KATNAL1: variants seen among roughly 807,000 people sequenced by gnomAD.
KATNAL1 encodes the protein katanin catalytic subunit A1 like 1, also known as katanin p60 ATPase-containing subunit A-like 1.
In KATNAL1, 32 loss-of-function variants were observed where a neutral mutation model predicts 55.2. The observed-to-expected ratio is 0.58, with a 90% CI of 0.44 to 0.78. The LOEUF is 0.78. KATNAL1 is among the 30% of genes least tolerant of loss of function. The pLI is 0.00. For synonymous variants in KATNAL1, 193 were observed against 193.6 expected (o/e 1.00, Z 0.02); for missense variants, 466 against 600.9 (o/e 0.78, Z 2.35).
intron 3 of KATNAL1, among the ~76,000 whole-genome samples, chr13:30,258,976 ATAT>A (rs1444640896): frequency 6.6e-6 from 1 of 152,228 alleles, no homozygotes; most frequent in African/African-American, 2.4e-5. Flanking sequence ...AATCTTTAAA[ATAT>A]TATTAATTCT....
chr13:30,303,885 T>A (rs1883017244), intron 1 of KATNAL1, among the ~76,000 whole-genome samples: 1 of 152,342 alleles, frequency 6.6e-6, no homozygotes, highest in South Asian at 2.1e-4. Context: ...TACTACCTGA[T>A]CCACCTGCTT....
At chr13:30,235,030 T>C (rs940553218) in intron 6 of KATNAL1, among the ~76,000 whole-genome samples, 1 of 152,144 alleles carries the variant, frequency 6.6e-6, no homozygotes, top group Non-Finnish European at 1.5e-5. Flanking sequence ...CTTTGAGCCA[T>C]GTGGTATCAA....
At position 30,283,789 on chromosome 13, in the gene KATNAL1, G is replaced by A. The variant is rs1168323619; in HGVS notation, c.-12C>T. On this transcript the variant is annotated splice_region_variant and 5_prime_UTR_variant, in exon 2 of 11. Transcript: ENST00000380615. ...TCAGCCAAATTCATCTTCTTTCAGAGACCTAAACATAAAATATAATGACTT... is the reference window on the plus strand; with the variant it reads ...TCAGCCAAATTCATCTTCTTTCAGAAACCTAAACATAAAATATAATGACTT... 1.1e-5 allele frequency: 18 copies of A among 1,594,220 alleles called. No homozygotes were observed. Among genetic ancestry groups the A allele is most frequent in the Non-Finnish European group, 1.7e-6 (2 of 1,168,946 alleles).
chr13:30,266,117 C>G (rs747975491), intron 3 of KATNAL1, among the ~76,000 whole-genome samples: 1 of 151,542 alleles, frequency 6.6e-6, no homozygotes, highest in African/African-American at 2.4e-5. Context: ...CAGGTTCAAG[C>G]GATTCTTCTG....
At chr13:30,277,815 C>G (rs1186202486) in intron 3 of KATNAL1, among the ~76,000 whole-genome samples, 2 of 151,082 alleles carry the variant, frequency 1.3e-5, no homozygotes, top group Non-Finnish European at 2.9e-5. Context: ...AACCCCGTCT[C>G]TACTAAAAAT....
chr13:30,281,122 CAA>C (rs1263107106), intron 2 of KATNAL1, among the ~76,000 whole-genome samples: 4 of 63,704 alleles, frequency 6.3e-5, no homozygotes, highest in Non-Finnish European at 5.6e-5. Context: ...GAATCCATGT[CAA>C]AAAAAAAAAA....
intron 1 of KATNAL1, among the ~76,000 whole-genome samples, chr13:30,284,344 C>T (rs761378340): frequency 2.0e-5 from 3 of 152,090 alleles, no homozygotes; most frequent in Non-Finnish European, 2.9e-5. Flanking sequence ...TACATAAAAC[C>T]GGACACTAGT....
intron 9 of KATNAL1, among the ~76,000 whole-genome samples, chr13:30,225,140 A>G (rs1335855411): frequency 6.6e-6 from 1 of 152,170 alleles, no homozygotes; most frequent in Non-Finnish European, 1.5e-5. Context: ...CCATTCATCA[A>G]GGTTAGGAGT....
chr13:30,249,999 C>A (rs1039779677), intron 4 of KATNAL1, among the ~76,000 whole-genome samples: 3 of 152,122 alleles, frequency 2.0e-5, no homozygotes, highest in Non-Finnish European at 4.4e-5. Flanking sequence ...CTCCTCACAT[C>A]CTAATTATTT....
At chr13:30,282,039 A>C (rs1881393691) in intron 2 of KATNAL1, among the ~76,000 whole-genome samples, 1 of 152,158 alleles carries the variant, frequency 6.6e-6, no homozygotes, top group Admixed American at 6.5e-5. Flanking sequence ...ATTTGTAAAA[A>C]AAAAAAAAAT....
intron 4 of KATNAL1, 49 bp downstream of exon 4, chr13:30,255,398 A>C (rs368159002): frequency 7.3e-7 from 1 of 1,372,120 alleles, no homozygotes; most frequent in African/African-American, 1.5e-5. Context: ...AACATCCACC[A>C]AAAGTCCTGG....
In KATNAL1 at chr13:30,208,432, C is replaced by T. The variant is rs1873351453; in HGVS notation, c.*108G>A. ...GTTTTAGATTTTTTTTTCCTTTAAG[C>T]GAAAACCACTCCACTGAAAAAAATT... On this transcript the variant is annotated 3_prime_UTR_variant, in exon 11 of 11. Coordinates refer to ENST00000380615, the MANE Select transcript of KATNAL1 (RefSeq NM_032116.5). 5 of 891,814 alleles carry T rather than the reference C, an allele frequency of 5.6e-6. No homozygotes were observed. The highest frequency in any genetic ancestry group is 1.7e-5 in the African/African-American group (1 of 59,028). The allele number at this position is 891,814 out of a possible 1,614,324, so 55.2% of individuals were successfully genotyped here. A position where few individuals can be genotyped will look rare whatever the true frequency, so the allele number is the denominator to read the frequency against.
intron 4 of KATNAL1, among the ~76,000 whole-genome samples, chr13:30,253,007 A>G (rs1878469535): frequency 6.6e-6 from 1 of 152,174 alleles, no homozygotes; most frequent in African/African-American, 2.4e-5. Flanking sequence ...TTGGCCTCCC[A>G]AAGTGCTGGG....
chr13:30,277,706 G>A (rs868036396), intron 3 of KATNAL1, among the ~76,000 whole-genome samples: 43 of 152,196 alleles, frequency 2.8e-4, no homozygotes, highest in African/African-American at 9.1e-4. Context: ...AATTCAGGCC[G>A]GGCACGGTGG....
intron 3 of KATNAL1, among the ~76,000 whole-genome samples, chr13:30,259,111 A>G (rs1879030896): frequency 6.6e-6 from 1 of 152,246 alleles, no homozygotes; most frequent in South Asian, 2.1e-4. Context: ...AGGCCGAGAC[A>G]GGCAGATCAC....
At chr13:30,219,375 T>G (rs1235091747) in intron 9 of KATNAL1, among the ~76,000 whole-genome samples, 1 of 152,206 alleles carries the variant, frequency 6.6e-6, no homozygotes, top group African/African-American at 2.4e-5. Context: ...CTATGAAAAT[T>G]CAGTTAAAAT....
chr13:30,218,283 T>C (rs1486462634), intron 9 of KATNAL1, among the ~76,000 whole-genome samples: 1 of 151,278 alleles, frequency 6.6e-6, no homozygotes, highest in Non-Finnish European at 1.5e-5. Flanking sequence ...TTGAAAGGAC[T>C]ATAATACCTT....
At chr13:30,239,684 GATTTT>G (rs1877056799) in intron 6 of KATNAL1, among the ~76,000 whole-genome samples, 1 of 128,390 alleles carries the variant, frequency 7.8e-6, no homozygotes. Flanking sequence ...ATACAGAAGT[GATTTT>G]TTTTTTTTTT....
At chr13:30,239,582 A>G (rs997338641) in intron 6 of KATNAL1, among the ~76,000 whole-genome samples, 5 of 152,168 alleles carry the variant, frequency 3.3e-5, no homozygotes, top group African/African-American at 9.7e-5. Context: ...CTTTAGAAAT[A>G]TATCTTTATT....
Sources: gnomAD v4.1 joint callset for allele counts (sites outside exome capture counted in the v4.1 genomes callset) on GRCh38, gnomAD v4.1.1 for gene constraint, MANE v1.5 for transcripts, NCBI Gene and HGNC (gene_info 2026-07-23, HGNC 2026-07-21) for gene names.